Variants in SHE observed in about 807,000 individuals in gnomAD.
SHE encodes Src homology 2 domain containing E, also known as SH2 domain-containing adapter protein E.
Under a neutral mutation model 49.8 loss-of-function variants are expected in SHE, and 11 were observed. The observed-to-expected ratio is 0.22, with a 90% CI of 0.14 to 0.37. SHE has a LOEUF of 0.37. Among genes scored for constraint, SHE ranks in the 10% least tolerant of loss-of-function variants. The pLI is 1.00. For synonymous variants in SHE, 310 were observed against 278.1 expected (o/e 1.11, Z -1.14); for missense variants, 624 against 655.5 (o/e 0.95, Z 0.52).
chr1:154,493,591 G>C (rs1223043925), intron 2 of SHE, among the ~76,000 whole-genome samples: 1 of 152,228 alleles, frequency 6.6e-6, no homozygotes, highest in East Asian at 1.9e-4. Context: ...CTAAAAACAT[G>C]CAGTTGGTTG....
downstream of SHE, chr1:154,479,478 T>A (rs548110467): frequency 1.4e-4 from 140 of 984,512 alleles, no homozygotes; most frequent in African/African-American, 2.3e-3. Flanking sequence ...AAAACCACTG[T>A]AGTTTTCTTG....
Position 154,484,347 on chromosome 1 carries a change from AT to A in SHE, c.1302-13del. On this transcript the variant is annotated splice_polypyrimidine_tract_variant and intron_variant, in intron 5 of 5. Transcript: ENST00000304760. ...ATCCTTGACTAGTCCTGGAATGAAA[AT>A]CAAGGAGGAGACATGAATGAGTGGG... The A allele has an allele frequency of 6.2e-7, 1 of 1,601,656 alleles. No individual in the cohort carries two copies. Among genetic ancestry groups the A allele is most frequent in the Non-Finnish European group, 8.5e-7 (1 of 1,169,874 alleles).
chr1:154,479,872 CA>C lies in SHE; in HGVS notation c.*4276del, dbSNP rs1253059408. 29 of 985,434 alleles carry C rather than the reference CA, an allele frequency of 2.9e-5. No homozygotes were observed. Among genetic ancestry groups the C allele is most frequent in the Admixed American group, 2.5e-4 (4 of 16,286 alleles). The allele number at this position is 985,434 out of a possible 1,614,324, so 61.0% of individuals were successfully genotyped here. ...ATTAGACTTCAAAACACCCTTTCCG[CA>C]GGAAAGGGCATTTTTCAAGATGGCA... On this transcript the variant is annotated 3_prime_UTR_variant, in exon 6 of 6. Coordinates refer to ENST00000304760, the MANE Select transcript of SHE (RefSeq NM_001010846.3).
intron 1 of SHE, among the ~76,000 whole-genome samples, chr1:154,472,965 G>A (rs1691779439): frequency 6.6e-6 from 1 of 151,958 alleles, no homozygotes; most frequent in African/African-American, 2.4e-5. Flanking sequence ...AGTTCAAGAC[G>A]AGCCTGGACA....
At chr1:154,478,090 G>C (rs995007146), downstream of SHE, among the ~76,000 whole-genome samples, 12 of 152,084 alleles carry the variant, frequency 7.9e-5, no homozygotes, top group African/African-American at 2.9e-4. Context: ...GTAATGGTCT[G>C]TGTCAGGATT....
chr1:154,480,116 T>C lies in SHE; in HGVS notation c.*4033A>G, dbSNP rs1691980447. ...GCCAAGTTTCTCTAGTCCACGTTAG[T>C]GGGGCACAAAAATTGGAAATGAGAA... On this transcript the variant is annotated 3_prime_UTR_variant, in exon 6 of 6. Transcript: ENST00000304760. The C allele has an allele frequency of 2.0e-6, 2 of 985,402 alleles. No individual in the cohort carries two copies. The highest frequency in any genetic ancestry group is 4.7e-5 in the South Asian group (1 of 21,284). The allele number at this position is 985,402 out of a possible 1,614,324, so 61.0% of individuals were successfully genotyped here.
chr1:154,488,981 A>T, intron 3 of SHE, 70 bp downstream of exon 3: 2 of 1,494,204 alleles, frequency 1.3e-6, no homozygotes, highest in Non-Finnish European at 1.8e-6. Context: ...GGAAAAAAAC[A>T]AATGTGGGGC....
chr1:154,473,553 G>T (rs1157624695), intron 1 of SHE, among the ~76,000 whole-genome samples: 1 of 151,814 alleles, frequency 6.6e-6, no homozygotes, highest in African/African-American at 2.4e-5. Flanking sequence ...TTGTAATCCC[G>T]GCACTTTGGG....
intron 3 of SHE, among the ~76,000 whole-genome samples, chr1:154,487,261 A>G (rs896068194): frequency 7.7e-6 from 1 of 130,448 alleles, no homozygotes; most frequent in Non-Finnish European, 1.6e-5. Context: ...ACAGGGTGAG[A>G]CTCCGTCTCA....
intron 2 of SHE, among the ~76,000 whole-genome samples, chr1:154,491,088 A>T (rs997204836): frequency 6.6e-6 from 1 of 152,162 alleles, no homozygotes; most frequent in Admixed American, 6.5e-5. Context: ...TACAGAGTCT[A>T]TATTATAGAC....
downstream of SHE, among the ~76,000 whole-genome samples, chr1:154,478,774 G>A (rs1223144908): frequency 6.6e-6 from 1 of 152,144 alleles, no homozygotes; most frequent in Non-Finnish European, 1.5e-5. Context: ...CTAATTGCTC[G>A]GGTGGTGGGT....
At chr1:154,475,754 T>G (rs1691864098), downstream of SHE, among the ~76,000 whole-genome samples, 1 of 152,058 alleles carries the variant, frequency 6.6e-6, no homozygotes, top group South Asian at 2.1e-4. Flanking sequence ...TGATGCTGGG[T>G]GATGGGACAG....
rs1692793516 is a variant in SHE, at chr1:154,501,998, G to A, written c.29C>T (p.Ser10Phe). 9 of 1,392,086 alleles carry A rather than the reference G, an allele frequency of 6.5e-6. No individual in the cohort carries two copies. Among genetic ancestry groups the A allele is most frequent in the Non-Finnish European group, 5.5e-6 (6 of 1,082,046 alleles). The allele number at this position is 1,392,086 out of a possible 1,614,324, so 86.2% of individuals were successfully genotyped here. A position where few individuals can be genotyped will look rare whatever the true frequency, so the allele number is the denominator to read the frequency against. The change falls in exon 1 of 6, where the codon TCT becomes TTT. Residue 10 changes from serine to phenylalanine, a missense_variant. Ser to Phe is a radical substitution (Grantham distance 155). Transcript: ENST00000304760. MQWSPTPGA[S>F]ACLGWASSLA... is the part of the protein sequence containing the mutation. ...CGAGGAAGCCCAGCCCAGACACGCA[G>A]AGGCGCCAGGGGTCGGGGACCACTG...
downstream of SHE, among the ~76,000 whole-genome samples, chr1:154,478,288 C>T (rs1470789495): frequency 6.6e-6 from 1 of 152,124 alleles, no homozygotes; most frequent in Non-Finnish European, 1.5e-5. Flanking sequence ...CACAATGTTT[C>T]CTCCAGAACC....
chr1:154,486,132 T>C (rs1382214186), intron 4 of SHE, 70 bp from the exon 5 acceptor site: 17 of 1,575,294 alleles, frequency 1.1e-5, no homozygotes, highest in Non-Finnish European at 1.5e-5. Flanking sequence ...TGGGCATTGC[T>C]CCATAAAGCG....
chr1:154,494,266 A>G (rs1692455613), intron 2 of SHE, among the ~76,000 whole-genome samples: 1 of 152,176 alleles, frequency 6.6e-6, no homozygotes, highest in Non-Finnish European at 1.5e-5. Context: ...AAACCCTGAA[A>G]TTTAGCGAGG....
In SHE at chr1:154,480,216, A is replaced by C; in HGVS notation, c.*3933T>G. On this transcript the variant is annotated 3_prime_UTR_variant, in exon 6 of 6. Transcript: ENST00000304760. ...ATGGAAAAATAGGAGACAACTAGTG[A>C]ACGAGAGATCTGTGAAGGGTTTCAG... The C allele has an allele frequency of 1.0e-6, 1 of 985,456 alleles. No homozygotes were observed. The highest frequency in any genetic ancestry group is 1.2e-6 in the Non-Finnish European group (1 of 829,956). The allele number at this position is 985,456 out of a possible 1,614,324, so 61.0% of individuals were successfully genotyped here.
chr1:154,477,045 C>G (rs1052821543), downstream of SHE, among the ~76,000 whole-genome samples: 1 of 152,188 alleles, frequency 6.6e-6, no homozygotes, highest in Non-Finnish European at 1.5e-5. Flanking sequence ...TTTATCAGAG[C>G]TTAAATGACC....
intron 2 of SHE, among the ~76,000 whole-genome samples, chr1:154,494,146 C>G (rs1014401131): frequency 6.6e-6 from 1 of 152,122 alleles, no homozygotes; most frequent in Admixed American, 6.5e-5. Flanking sequence ...ACAGGGCTGC[C>G]CGACAATTTT....
Sources: gnomAD v4.1 joint callset for allele counts (sites outside exome capture counted in the v4.1 genomes callset) on GRCh38, gnomAD v4.1.1 for gene constraint, MANE v1.5 for transcripts, NCBI Gene and HGNC (gene_info 2026-07-23, HGNC 2026-07-21) for gene names.